The following TMEM163 variants were observed in gnomAD, a reference collection of about 807,000 sequenced individuals.
The protein encoded by TMEM163 is transmembrane protein 163.
Under a neutral mutation model 29.3 loss-of-function variants are expected in TMEM163, and 17 were observed. The ratio of observed to expected loss-of-function variants is 0.58; its 90% CI spans 0.40 to 0.87. The LOEUF is 0.87. Ranked by LOEUF, TMEM163 falls within the 40% of genes least tolerant of loss-of-function variation. The pLI is 0.00. For missense variants in TMEM163, 303 were observed against 381.5 expected, an observed-to-expected ratio of 0.79 and a Z score of 1.71; for synonymous variants, 157 against 160.6, an observed-to-expected ratio of 0.98 and a Z score of 0.17.
At chr2:134,575,911 C>T (rs1681544801) in intron 2 of TMEM163, among the ~76,000 whole-genome samples, 1 of 151,970 alleles carries the variant, frequency 6.6e-6, no homozygotes, top group Non-Finnish European at 1.5e-5. Flanking sequence ...TCCTGGGGAC[C>T]CAACCACACA....
At chr2:134,465,451 A>G (rs1249691552) in intron 6 of TMEM163, among the ~76,000 whole-genome samples, 2 of 152,216 alleles carry the variant, frequency 1.3e-5, no homozygotes, top group Admixed American at 6.5e-5. Flanking sequence ...TCAAAGCAAC[A>G]TGTCCAGGAG....
chr2:134,519,775 G>A (rs1246585195), intron 4 of TMEM163, among the ~76,000 whole-genome samples: 1 of 150,230 alleles, frequency 6.7e-6, no homozygotes, highest in African/African-American at 2.5e-5. Flanking sequence ...CCTGGAGTCC[G>A]ACTACTCGAG....
intron 2 of TMEM163, among the ~76,000 whole-genome samples, chr2:134,601,274 GT>G (rs1161104032): frequency 6.6e-6 from 1 of 152,138 alleles, no homozygotes; most frequent in African/African-American, 2.4e-5. Flanking sequence ...CACTTCATCT[GT>G]TCTAGCTAAA....
intron 4 of TMEM163, among the ~76,000 whole-genome samples, chr2:134,509,825 G>A (rs1179230308): frequency 1.3e-5 from 2 of 152,250 alleles, no homozygotes; most frequent in South Asian, 4.1e-4. Flanking sequence ...AGGAAGAAAC[G>A]ATGGCTCTGT....
chr2:134,518,734 C>G (rs1025806523), intron 4 of TMEM163, among the ~76,000 whole-genome samples: 2 of 152,110 alleles, frequency 1.3e-5, no homozygotes, highest in African/African-American at 4.8e-5. Flanking sequence ...CACGATATCT[C>G]ACCTCAATTG....
At chr2:134,477,328 C>T (rs1686939166) in intron 5 of TMEM163, among the ~76,000 whole-genome samples, 1 of 152,170 alleles carries the variant, frequency 6.6e-6, no homozygotes, top group African/African-American at 2.4e-5. Context: ...ACTAACTGTA[C>T]CATAGTGCGA....
At chr2:134,674,091 A>C (rs1378894169) in intron 2 of TMEM163, among the ~76,000 whole-genome samples, 2 of 152,296 alleles carry the variant, frequency 1.3e-5, no homozygotes, top group East Asian at 3.9e-4. Flanking sequence ...AGAAGGAAAA[A>C]GTGGCTATTG....
At chr2:134,695,867 A>G (rs1684568015) in intron 2 of TMEM163, among the ~76,000 whole-genome samples, 1 of 152,292 alleles carries the variant, frequency 6.6e-6, no homozygotes, top group Admixed American at 6.5e-5. Context: ...CCCGGCCAAT[A>G]TGGCGAAACC....
At chr2:134,636,956 T>C (rs1383422913) in intron 2 of TMEM163, among the ~76,000 whole-genome samples, 1 of 152,208 alleles carries the variant, frequency 6.6e-6, no homozygotes, top group Non-Finnish European at 1.5e-5. Flanking sequence ...CCAGCACTTC[T>C]GACTCACTGG....
chr2:134,593,657 AG>A (rs200862634), intron 2 of TMEM163, among the ~76,000 whole-genome samples: 4,573 of 152,158 alleles, frequency 0.03, 106 homozygotes, highest in Admixed American at 0.082. Context: ...GAGGGGTGGA[AG>A]GTAAGCCGAG....
At chr2:134,528,215 G>A (rs922370809) in intron 4 of TMEM163, among the ~76,000 whole-genome samples, 1 of 152,194 alleles carries the variant, frequency 6.6e-6, no homozygotes, top group African/African-American at 2.4e-5. Flanking sequence ...TCTAGAAGTT[G>A]GGAAATGGGT....
At chr2:134,606,675 G>A (rs1003401439) in intron 2 of TMEM163, among the ~76,000 whole-genome samples, 1 of 152,192 alleles carries the variant, frequency 6.6e-6, no homozygotes, top group Non-Finnish European at 1.5e-5. Flanking sequence ...ACAGGGCTGT[G>A]GCAACCGGCC....
chr2:134,652,168 T>C lies in TMEM163; in HGVS notation c.322+61032A>G, dbSNP rs974368903. ...CCATTTTCACGATATTGATTCTTCC[T>C]ACCCATGAGCATGCAATGTTCTTCC... On this transcript the variant is annotated intron_variant, in intron 2 of 7. Coordinates refer to ENST00000281924, the MANE Select transcript of TMEM163 (RefSeq NM_030923.5). Among the ~76,000 whole-genome samples, 92 of 122,328 alleles carry C rather than the reference T, an allele frequency of 7.5e-4. 8 individuals are homozygous for C. In the Middle Eastern group the frequency reaches 0.011, roughly 14 times the overall value. The allele number at this position is 122,328 out of a possible 152,430, so 80.3% of individuals were successfully genotyped here.
At chr2:134,490,318 C>T (rs1032735487) in intron 5 of TMEM163, among the ~76,000 whole-genome samples, 2 of 152,174 alleles carry the variant, frequency 1.3e-5, no homozygotes, top group African/African-American at 4.8e-5. Context: ...GACCACAGCA[C>T]TTCATGGCTC....
At chr2:134,666,113 C>T (rs1028189884) in intron 2 of TMEM163, among the ~76,000 whole-genome samples, 1 of 152,080 alleles carries the variant, frequency 6.6e-6, no homozygotes, top group Non-Finnish European at 1.5e-5. Flanking sequence ...AAAATCATAT[C>T]CTCTACACTG....
At chr2:134,579,035 A>G (rs1304844209) in intron 2 of TMEM163, among the ~76,000 whole-genome samples, 3 of 152,164 alleles carry the variant, frequency 2.0e-5, no homozygotes, top group African/African-American at 7.2e-5. Context: ...TCAAAAGTGA[A>G]GTTTCCAGCA....
chr2:134,504,579 T>C (rs1267276943), intron 4 of TMEM163, among the ~76,000 whole-genome samples: 1 of 152,050 alleles, frequency 6.6e-6, no homozygotes, highest in Non-Finnish European at 1.5e-5. Flanking sequence ...ACCCCCAGGG[T>C]GACCACCCCT....
At position 134,496,121 on chromosome 2, in the gene TMEM163, G is replaced by A. The variant is rs146665426; in HGVS notation, c.555+6780C>T. On this transcript the variant is annotated intron_variant, in intron 5 of 7. Transcript: ENST00000281924. ...CTGTCACCCAGGCTGGAGTGCAGTG[G>A]CGCAATCTTGGCTCACTGCGGCCTC... 1.7e-4 allele frequency among the ~76,000 whole-genome samples: 26 copies of A among 151,950 alleles called. 2 individuals are homozygous for A. Among genetic ancestry groups the A allele is most frequent in the African/African-American group, 3.9e-4 (16 of 41,434 alleles).
intron 2 of TMEM163, among the ~76,000 whole-genome samples, chr2:134,557,979 T>G (rs1475510009): frequency 2.0e-5 from 3 of 152,138 alleles, no homozygotes; most frequent in Admixed American, 1.3e-4. Context: ...CCATATCATT[T>G]AAACCAGAAA....
Sources: gnomAD v4.1 joint callset for allele counts (sites outside exome capture counted in the v4.1 genomes callset) on GRCh38, gnomAD v4.1.1 for gene constraint, MANE v1.5 for transcripts, NCBI Gene and HGNC (gene_info 2026-07-23, HGNC 2026-07-21) for gene names.